The following NALF1 variants were observed in gnomAD, a reference collection of about 807,000 sequenced individuals.
NALF1 encodes family with sequence similarity 155 member A.
A neutral mutation model predicts 48.4 loss-of-function variants in NALF1; 3 were observed. The observed-to-expected ratio is 0.06, with a 90% CI of 0.03 to 0.16. The LOEUF is 0.16. NALF1 is among the 10% of genes least tolerant of loss of function. NALF1 has a pLI of 1.00. For synonymous variants in NALF1, 262 were observed against 245.7 expected (o/e 1.07, Z -0.62); for missense variants, 526 against 571.5 (o/e 0.92, Z 0.81).
intron 2 of NALF1, among the ~76,000 whole-genome samples, chr13:107,208,999 A>T (rs558771545): frequency 6.6e-6 from 1 of 152,116 alleles, no homozygotes; most frequent in Non-Finnish European, 1.5e-5. Context: ...CTCGTGTGCA[A>T]CGGCTATGGC....
At chr13:107,661,681 T>C (rs550864293) in intron 1 of NALF1, among the ~76,000 whole-genome samples, 2 of 151,854 alleles carry the variant, frequency 1.3e-5, no homozygotes, top group African/African-American at 4.9e-5. Flanking sequence ...TCTCACAGTT[T>C]GAGATAACAT....
intron 1 of NALF1, among the ~76,000 whole-genome samples, chr13:107,617,841 C>T (rs73595263): frequency 0.012 from 1,845 of 152,222 alleles, 40 homozygotes; most frequent in African/African-American, 0.042. Flanking sequence ...CTGACCCAAT[C>T]GACCATAATT....
chr13:107,186,756 T>C (rs920426435), intron 2 of NALF1, among the ~76,000 whole-genome samples: 2 of 152,210 alleles, frequency 1.3e-5, no homozygotes, highest in African/African-American at 4.8e-5. Context: ...TATAAAAAAT[T>C]GTTACAGACA....
intron 1 of NALF1, among the ~76,000 whole-genome samples, chr13:107,468,924 A>C (rs911997918): frequency 1.3e-5 from 2 of 152,144 alleles, no homozygotes. Context: ...ATATTTTATG[A>C]TTATCTAATA....
chr13:107,448,138 C>G (rs1350571877), intron 1 of NALF1, among the ~76,000 whole-genome samples: 1 of 152,114 alleles, frequency 6.6e-6, no homozygotes, highest in Non-Finnish European at 1.5e-5. Context: ...TCTGCTCTTT[C>G]TTGAGTTCTA....
chr13:107,218,214 C>A (rs1369395030), intron 1 of NALF1, among the ~76,000 whole-genome samples: 1 of 152,206 alleles, frequency 6.6e-6, no homozygotes, highest in Non-Finnish European at 1.5e-5. Flanking sequence ...TGTGACCTCA[C>A]TTGGAAGCCT....
At chr13:107,616,257 C>T (rs1049875856) in intron 1 of NALF1, among the ~76,000 whole-genome samples, 2 of 152,168 alleles carry the variant, frequency 1.3e-5, no homozygotes, top group African/African-American at 4.8e-5. Flanking sequence ...ACAGCGTTTA[C>T]GTTTAAAGTG....
chr13:107,681,338 G>A (rs1276624382), intron 1 of NALF1, among the ~76,000 whole-genome samples: 3 of 152,098 alleles, frequency 2.0e-5, no homozygotes, highest in Admixed American at 2.0e-4. Flanking sequence ...TGAAATAAGT[G>A]GGCAAAGTCC....
rs1278003170 is a variant in NALF1 at position 107,271,806 on chromosome 13, A to ATT, written c.916-61052_916-61051insAA. On this transcript the variant is annotated intron_variant, in intron 1 of 2. Transcript: ENST00000375915. Reference sequence around the variant, plus strand: ...TATATATATATATATATATATATATATATATATATATTTATATATTTATAT... The same window carrying ATT: ...TATATATATATATATATATATATATATTTATATATATATTTATATATTTATAT... Among the ~76,000 whole-genome samples the ATT allele has an allele frequency of 1.1e-3, 27 of 25,240 alleles. 1 individual carries two copies. The highest frequency in any genetic ancestry group is 3.8e-3 in the South Asian group (2 of 530). 16.6% of individuals were successfully genotyped at this position (25,240 alleles called of 152,430 possible).
intron 1 of NALF1, among the ~76,000 whole-genome samples, chr13:107,592,784 T>A (rs1878633963): frequency 6.6e-6 from 1 of 151,896 alleles, no homozygotes; most frequent in Non-Finnish European, 1.5e-5. Flanking sequence ...TTGCATGACT[T>A]TTAACAGCAT....
At chr13:107,743,351 G>A (rs1199839147) in intron 1 of NALF1, among the ~76,000 whole-genome samples, 1 of 152,148 alleles carries the variant, frequency 6.6e-6, no homozygotes, top group Non-Finnish European at 1.5e-5. Flanking sequence ...AGATGAATCA[G>A]CCTGTGACAA....
At chr13:107,838,576 T>C (rs1017111964) in intron 1 of NALF1, among the ~76,000 whole-genome samples, 9 of 152,130 alleles carry the variant, frequency 5.9e-5, no homozygotes, top group African/African-American at 1.9e-4. Flanking sequence ...TGTATGAACA[T>C]GCATCCAGGC....
At chr13:107,302,395 C>A (rs1881855146) in intron 1 of NALF1, among the ~76,000 whole-genome samples, 1 of 152,196 alleles carries the variant, frequency 6.6e-6, no homozygotes, top group African/African-American at 2.4e-5. Flanking sequence ...GGCCTCAAAT[C>A]TTAGAAGGAG....
intron 1 of NALF1, among the ~76,000 whole-genome samples, chr13:107,297,316 T>G (rs1881745159): frequency 6.6e-6 from 1 of 152,196 alleles, no homozygotes; most frequent in African/African-American, 2.4e-5. Context: ...TAGTGACTAA[T>G]TTGATAATGA....
In NALF1 at chr13:107,590,085, T is replaced by C. The variant is rs75164204; in HGVS notation, c.915+275597A>G. Among the ~76,000 whole-genome samples the C allele has an allele frequency of 1.0e-3, 156 of 152,214 alleles. 1 individual carries two copies. The East Asian group carries it at 0.026, about 26-fold the overall frequency. The stretch of plus-strand genomic sequence containing the variant: ...CTGTAATTATAATAGTCATGAGTAC[T>C]ATTTTTGACAAATATCCTTATAGTG... On this transcript the variant is annotated intron_variant, in intron 1 of 2. Transcript: ENST00000375915.
chr13:107,426,900 A>C (rs2139013382), intron 1 of NALF1, among the ~76,000 whole-genome samples: 1 of 152,282 alleles, frequency 6.6e-6, no homozygotes, highest in South Asian at 2.1e-4. Flanking sequence ...GATATAACAG[A>C]ATAAAATATC....
intron 1 of NALF1, among the ~76,000 whole-genome samples, chr13:107,539,818 C>G (rs967287017): frequency 6.6e-6 from 1 of 151,954 alleles, no homozygotes; most frequent in Non-Finnish European, 1.5e-5. Flanking sequence ...ATTGGTGAAG[C>G]TAAGACTCAA....
chr13:107,527,077 A>G (rs1403179917), intron 1 of NALF1, among the ~76,000 whole-genome samples: 1 of 152,168 alleles, frequency 6.6e-6, no homozygotes, highest in Non-Finnish European at 1.5e-5. Flanking sequence ...GAGTTTTCTA[A>G]TTAACCCCAG....
intron 1 of NALF1, among the ~76,000 whole-genome samples, chr13:107,541,140 T>A (rs1376237454): frequency 1.3e-5 from 2 of 152,122 alleles, no homozygotes; most frequent in African/African-American, 4.8e-5. Context: ...ACCTTACAAA[T>A]GTACTGCAAT....
Sources: gnomAD v4.1 joint callset for allele counts (sites outside exome capture counted in the v4.1 genomes callset) on GRCh38, gnomAD v4.1.1 for gene constraint, MANE v1.5 for transcripts, NCBI Gene and HGNC (gene_info 2026-07-23, HGNC 2026-07-21) for gene names.